Variants in NEURL1 observed in about 807,000 individuals in gnomAD.
NEURL1 encodes neuralized E3 ubiquitin protein ligase 1.
NEURL1 carries 26 observed loss-of-function variants against 41.2 expected under a neutral mutation model. The ratio of observed to expected loss-of-function variants is 0.63; its 90% confidence interval spans 0.46 to 0.87. NEURL1 has a LOEUF of 0.87. Ranked by LOEUF, NEURL1 falls within the 40% of genes least tolerant of loss-of-function variation. The pLI is 0.00. For synonymous variants in NEURL1, 400 were observed against 402.3 expected, an observed-to-expected ratio of 0.99 and a Z score of 0.07; for missense variants, 761 against 871.1, an observed-to-expected ratio of 0.87 and a Z score of 1.59.
chr10:103,513,169 G>A (rs1004125874), intron 1 of NEURL1, among the ~76,000 whole-genome samples: 5 of 152,148 alleles, frequency 3.3e-5, no homozygotes, highest in Non-Finnish European at 7.4e-5. Context: ...CAGCCCCCAG[G>A]TCTGCTGAGC....
intron 1 of NEURL1, among the ~76,000 whole-genome samples, chr10:103,547,423 A>C (rs2034945054): frequency 6.6e-6 from 1 of 152,266 alleles, no homozygotes; most frequent in South Asian, 2.1e-4. Context: ...GGTTGGAGTC[A>C]GAGGCCCCAG....
At chr10:103,513,224 G>C (rs747441339) in intron 1 of NEURL1, among the ~76,000 whole-genome samples, 1 of 152,224 alleles carries the variant, frequency 6.6e-6, no homozygotes, top group Non-Finnish European at 1.5e-5. Flanking sequence ...CCTTGCCCCA[G>C]TGCTCCAGAG....
chr10:103,585,600 C>G (rs911170684), intron 4 of NEURL1, among the ~76,000 whole-genome samples: 4 of 152,076 alleles, frequency 2.6e-5, no homozygotes, highest in African/African-American at 9.7e-5. Flanking sequence ...TTTGGGAGGC[C>G]GAGGCGGGCG....
chr10:103,521,314 ACCGCAG>A, intron 1 of NEURL1, among the ~76,000 whole-genome samples: 1 of 152,168 alleles, frequency 6.6e-6, no homozygotes. Flanking sequence ...GGAAGAAATG[ACCGCAG>A]TGGCCTTCTC....
intron 1 of NEURL1, among the ~76,000 whole-genome samples, chr10:103,498,135 A>C (rs1170366906): frequency 6.6e-6 from 1 of 152,236 alleles, no homozygotes; most frequent in African/African-American, 2.4e-5. Flanking sequence ...TAGGGTGCAC[A>C]GGAGGTTCAT....
intron 1 of NEURL1, among the ~76,000 whole-genome samples, chr10:103,520,898 G>A (rs759010478): frequency 2.1e-4 from 32 of 152,116 alleles, no homozygotes; most frequent in Non-Finnish European, 2.9e-4. Context: ...GCCTGGATAC[G>A]GTTTTGGATG....
At chr10:103,541,493 G>A (rs1218994921) in intron 1 of NEURL1, among the ~76,000 whole-genome samples, 1 of 152,176 alleles carries the variant, frequency 6.6e-6, no homozygotes, top group Non-Finnish European at 1.5e-5. Context: ...ACAGTCCCTG[G>A]CCAGTGGAGC....
At chr10:103,574,424 C>T (rs988578834) in intron 3 of NEURL1, among the ~76,000 whole-genome samples, 2 of 152,228 alleles carry the variant, frequency 1.3e-5, no homozygotes, top group African/African-American at 4.8e-5. Context: ...CTGAGGCCCA[C>T]GCAAGGCCTG....
At chr10:103,511,509 T>C (rs1372518416) in intron 1 of NEURL1, among the ~76,000 whole-genome samples, 1 of 152,256 alleles carries the variant, frequency 6.6e-6, no homozygotes, top group Non-Finnish European at 1.5e-5. Flanking sequence ...GACTCTGGAA[T>C]TGGACTTTGT....
At chr10:103,564,981 A>AGC (rs998288816) in intron 1 of NEURL1, among the ~76,000 whole-genome samples, 2 of 152,170 alleles carry the variant, frequency 1.3e-5, no homozygotes, top group Non-Finnish European at 2.9e-5. Context: ...CCATGAGAAC[A>AGC]GCGCCCCCTA....
intron 1 of NEURL1, among the ~76,000 whole-genome samples, chr10:103,546,155 A>G (rs1361482317): frequency 6.6e-6 from 1 of 152,158 alleles, no homozygotes; most frequent in African/African-American, 2.4e-5. Flanking sequence ...GACGTTTGCC[A>G]CTGTGCCCAG....
At chr10:103,521,470 G>T (rs2034346841) in intron 1 of NEURL1, among the ~76,000 whole-genome samples, 1 of 152,214 alleles carries the variant, frequency 6.6e-6, no homozygotes, top group Non-Finnish European at 1.5e-5. Context: ...AGCTTGATGT[G>T]TAGGGAAGGG....
chr10:103,590,564 T>C lies in NEURL1; in HGVS notation c.*192T>C. 1.7e-6 allele frequency: 1 copy of C among 595,698 alleles called. No homozygotes were observed. The highest frequency in any genetic ancestry group is 3.0e-6 in the Non-Finnish European group (1 of 334,544). The allele number at this position is 595,698 out of a possible 1,614,324, so 36.9% of individuals were successfully genotyped here. A position where few individuals can be genotyped will look rare whatever the true frequency, so the allele number is the denominator to read the frequency against. ...CAGGCAGGGAGGGGGCAGAGGCAAA[T>C]CACCGGGCAGAGGGAGGGGAGGAGA... On this transcript the variant is annotated 3_prime_UTR_variant, in exon 6 of 6. Transcript: ENST00000369780.
chr10:103,586,201 TG>T (rs1350722186), intron 4 of NEURL1, among the ~76,000 whole-genome samples: 1 of 152,116 alleles, frequency 6.6e-6, no homozygotes, highest in Non-Finnish European at 1.5e-5. Flanking sequence ...GAGACGGTGA[TG>T]GTGGTTTTGG....
intron 1 of NEURL1, among the ~76,000 whole-genome samples, chr10:103,546,292 C>T (rs2034923511): frequency 6.6e-6 from 1 of 152,208 alleles, no homozygotes; most frequent in South Asian, 2.1e-4. Flanking sequence ...GGCCTGCACT[C>T]TTGAGTCTGA....
At position 103,585,162 on chromosome 10, in the gene NEURL1, G is replaced by T. The variant is rs769225860; in HGVS notation, c.1276G>T (p.Ala426Ser). The part of the protein sequence containing the change: ...AAAGMQLCVD[A>S]SQPLWMLFGL... ...CGCCGGCATGCAGCTGTGCGTGGACGCCTCGCAGCCGCTTTGGATGCTCTT... is the reference window on the plus strand; with the variant it reads ...CGCCGGCATGCAGCTGTGCGTGGACTCCTCGCAGCCGCTTTGGATGCTCTT... Residue 426 changes from alanine (A) to serine (S), a missense_variant, in exon 4 of 6, where the codon GCC becomes TCC. By Grantham distance (99) the Ala-to-Ser change is moderately conservative. Coordinates refer to ENST00000369780, the MANE Select transcript of NEURL1 (RefSeq NM_004210.5). 3 of 1,588,834 alleles carry T rather than the reference G, an allele frequency of 1.9e-6. No individual in the cohort carries two copies. Among genetic ancestry groups the T allele is most frequent in the Non-Finnish European group, 2.6e-6 (3 of 1,173,378 alleles).
intron 1 of NEURL1, among the ~76,000 whole-genome samples, chr10:103,509,547 C>A (rs59319521): frequency 0.016 from 2,500 of 152,286 alleles, 73 homozygotes; most frequent in African/African-American, 0.055. Context: ...GTTATCATGG[C>A]TACGACATCA....
intron 1 of NEURL1, among the ~76,000 whole-genome samples, chr10:103,538,299 G>C (rs979344428): frequency 6.6e-6 from 1 of 152,128 alleles, no homozygotes. Context: ...GGCTGAGCAC[G>C]GTGGCTCACG....
At chr10:103,565,511 C>G (rs2035404129) in intron 1 of NEURL1, among the ~76,000 whole-genome samples, 1 of 152,212 alleles carries the variant, frequency 6.6e-6, no homozygotes, top group Non-Finnish European at 1.5e-5. Context: ...CAACTAAGCA[C>G]TGGGGCTCTT....
Sources: allele counts gnomAD v4.1 joint callset (sites outside exome capture counted in the v4.1 genomes callset), GRCh38; gene constraint gnomAD v4.1.1; transcripts MANE v1.5; gene names NCBI Gene and HGNC (gene_info 2026-07-23, HGNC 2026-07-21).